GRIN2B: variants seen among roughly 807,000 people sequenced by gnomAD.
GRIN2B encodes glutamate ionotropic receptor NMDA type subunit 2B, also known as glutamate receptor ionotropic, NMDA 2B.
In GRIN2B, 5 loss-of-function variants were observed where a neutral mutation model predicts 114.5. The ratio of observed to expected loss-of-function variants is 0.04; its 90% CI spans 0.02 to 0.09. The LOEUF is 0.09. GRIN2B is among the 10% of genes least tolerant of loss of function. The pLI, the probability that GRIN2B is intolerant of heterozygous loss-of-function variation, is 1.00. For missense variants in GRIN2B, 1,108 were observed against 1,943.5 expected (o/e 0.57, Z 8.08); for synonymous variants, 787 against 745.1 (o/e 1.06, Z -0.92).
At chr12:13,610,904 A>G (rs1215234618) in intron 9 of GRIN2B, among the ~76,000 whole-genome samples, 1 of 152,228 alleles carries the variant, frequency 6.6e-6, no homozygotes, top group Non-Finnish European at 1.5e-5. Flanking sequence ...GCCAGGTTTA[A>G]GAATCTTCCC....
At chr12:13,784,686 C>T (rs1041593105) in intron 3 of GRIN2B, among the ~76,000 whole-genome samples, 3 of 152,192 alleles carry the variant, frequency 2.0e-5, no homozygotes, top group African/African-American at 7.2e-5. Flanking sequence ...TGCTTTCTCC[C>T]TTGGAAGCCT....
intron 3 of GRIN2B, among the ~76,000 whole-genome samples, chr12:13,780,833 C>CAAAA (rs1864097839): frequency 9.9e-6 from 1 of 101,348 alleles, no homozygotes; most frequent in African/African-American, 4.6e-5. Flanking sequence ...GCAGGTTTTG[C>CAAAA]CAAAAAAAAA....
At chr12:13,569,336 G>T (rs1948678248) in intron 12 of GRIN2B, among the ~76,000 whole-genome samples, 1 of 152,160 alleles carries the variant, frequency 6.6e-6, no homozygotes, top group Admixed American at 6.5e-5. Flanking sequence ...GATCATCCCA[G>T]AGTATGGTGA....
At chr12:13,917,943 A>G (rs1866760760) in intron 2 of GRIN2B, among the ~76,000 whole-genome samples, 1 of 152,098 alleles carries the variant, frequency 6.6e-6, no homozygotes, top group Non-Finnish European at 1.5e-5. Flanking sequence ...TCACCTCACC[A>G]GGCTCTTTGG....
intron 3 of GRIN2B, among the ~76,000 whole-genome samples, chr12:13,817,009 A>G (rs1474312715): frequency 1.3e-5 from 2 of 152,120 alleles, no homozygotes; most frequent in African/African-American, 4.8e-5. Context: ...GCCAGCATAC[A>G]AATACAAAGG....
intron 2 of GRIN2B, among the ~76,000 whole-genome samples, chr12:13,913,849 C>T (rs541448601): frequency 1.7e-4 from 26 of 152,270 alleles, no homozygotes; most frequent in South Asian, 1.0e-3. Context: ...CTCTCCAAAC[C>T]TCAGTTTCCT....
chr12:13,953,970 CA>C (rs1241865556), intron 2 of GRIN2B, among the ~76,000 whole-genome samples: 3 of 152,174 alleles, frequency 2.0e-5, no homozygotes, highest in Non-Finnish European at 4.4e-5. Context: ...TTTTACTCAT[CA>C]AAATGTGGGA....
chr12:13,690,346 T>A (rs957269775), intron 4 of GRIN2B, among the ~76,000 whole-genome samples: 4 of 112,758 alleles, frequency 3.5e-5, no homozygotes, highest in Non-Finnish European at 5.3e-5. Context: ...TTACAAATAC[T>A]TTTTTTTGCC....
chr12:13,877,312 T>C (rs572062721), intron 2 of GRIN2B, among the ~76,000 whole-genome samples: 8 of 152,168 alleles, frequency 5.3e-5, no homozygotes, highest in Non-Finnish European at 1.0e-4. Context: ...CCAGTGTCAA[T>C]AGGGAACAAA....
intron 3 of GRIN2B, among the ~76,000 whole-genome samples, chr12:13,798,102 T>C (rs1864447958): frequency 6.6e-6 from 1 of 152,338 alleles, no homozygotes; most frequent in African/African-American, 2.4e-5. Context: ...ATATTTTGAA[T>C]AGCAAAACTC....
intron 4 of GRIN2B, among the ~76,000 whole-genome samples, chr12:13,709,982 G>A (rs543614623): frequency 6.6e-6 from 1 of 151,988 alleles, no homozygotes; most frequent in East Asian, 1.9e-4. Context: ...AAAATGTTCA[G>A]AGCATTTTTA....
chr12:13,600,544 A>G (rs1012776765), intron 10 of GRIN2B, among the ~76,000 whole-genome samples: 1 of 151,926 alleles, frequency 6.6e-6, no homozygotes, highest in Admixed American at 6.6e-5. Context: ...AAGGAGGATA[A>G]GGCTACAAGA....
At chr12:13,587,594 ATCT>A (rs1243100271) in intron 10 of GRIN2B, among the ~76,000 whole-genome samples, 1 of 152,090 alleles carries the variant, frequency 6.6e-6, no homozygotes, top group African/African-American at 2.4e-5. Flanking sequence ...GGCTCAAGTG[ATCT>A]TCTCACCTCA....
At chr12:13,698,158 C>A (rs1950278073) in intron 4 of GRIN2B, among the ~76,000 whole-genome samples, 1 of 152,238 alleles carries the variant, frequency 6.6e-6, no homozygotes, top group Non-Finnish European at 1.5e-5. Context: ...GGATAACACA[C>A]ACTGCTGAGG....
chr12:13,680,432 A>C (rs1034768962), intron 4 of GRIN2B, among the ~76,000 whole-genome samples: 1 of 125,224 alleles, frequency 8.0e-6, no homozygotes, highest in Non-Finnish European at 1.7e-5. Context: ...AAGTCCCATC[A>C]AGGTTGTGTG....
At chr12:13,597,737 C>T (rs556097165) in intron 10 of GRIN2B, among the ~76,000 whole-genome samples, 19 of 152,334 alleles carry the variant, frequency 1.2e-4, no homozygotes, top group Admixed American at 1.2e-3. Context: ...TTTCATTACT[C>T]GGTTACTTTG....
chr12:13,647,240 AT>A (rs1267964372), intron 5 of GRIN2B, among the ~76,000 whole-genome samples: 2 of 152,142 alleles, frequency 1.3e-5, no homozygotes, highest in Non-Finnish European at 2.9e-5. Context: ...TTATGCAGCA[AT>A]AGAAAATTAA....
chr12:13,595,039 C>T (rs1194561290), intron 10 of GRIN2B, among the ~76,000 whole-genome samples: 1 of 152,050 alleles, frequency 6.6e-6, no homozygotes, highest in African/African-American at 2.4e-5. Flanking sequence ...TTTTTGATTA[C>T]CTGGGTTTGA....
chr12:13,620,338 A>C (rs965624436), intron 5 of GRIN2B, among the ~76,000 whole-genome samples: 2 of 152,164 alleles, frequency 1.3e-5, no homozygotes, highest in South Asian at 4.1e-4. Flanking sequence ...GATCTCTGCC[A>C]ATCTTGAGAG....
Sources: allele counts gnomAD v4.1 joint callset (sites outside exome capture counted in the v4.1 genomes callset), GRCh38; gene constraint gnomAD v4.1.1; transcripts MANE v1.5; gene names NCBI Gene and HGNC (gene_info 2026-07-23, HGNC 2026-07-21).